The following VPS41 variants were observed in gnomAD, a reference collection of about 807,000 sequenced individuals.
VPS41 encodes the protein VPS41 subunit of HOPS complex, also known as vacuolar protein sorting-associated protein 41 homolog.
In VPS41, 85 loss-of-function variants were observed where a neutral mutation model predicts 130.9. That is an observed-to-expected ratio of 0.65 (90% CI 0.55 to 0.78). The LOEUF (loss-of-function observed/expected upper bound fraction) is 0.78, where lower values mean the gene tolerates loss of function less well. Ranked by LOEUF, VPS41 falls within the 30% of genes least tolerant of loss-of-function variation. The pLI, the probability that VPS41 is intolerant of heterozygous loss-of-function variation, is 0.00. For synonymous variants in VPS41, 335 were observed against 332.9 expected, an observed-to-expected ratio of 1.01 and a Z score of -0.07; for missense variants, 874 against 1,018.7, an observed-to-expected ratio of 0.86 and a Z score of 1.93.
chr7:38,747,190 C>T (rs1206489819), intron 22 of VPS41, among the ~76,000 whole-genome samples: 2 of 152,108 alleles, frequency 1.3e-5, no homozygotes, highest in African/African-American at 2.4e-5. Flanking sequence ...TCTTCACTCT[C>T]CTGCAGTGAT....
At chr7:38,733,469 G>C (rs115904855) in intron 25 of VPS41, among the ~76,000 whole-genome samples, 2 of 152,068 alleles carry the variant, frequency 1.3e-5, no homozygotes, top group African/African-American at 4.8e-5. Context: ...GTTTCCTGAA[G>C]GTTTATAGAC....
chr7:38,850,289 G>A (rs1304040740), intron 4 of VPS41, among the ~76,000 whole-genome samples: 1 of 152,180 alleles, frequency 6.6e-6, no homozygotes, highest in Non-Finnish European at 1.5e-5. Context: ...TGTTACTAAA[G>A]AAATCAAGGG....
In VPS41 at chr7:38,862,571, C is replaced by A; in HGVS notation, c.220G>T (p.Gly74Trp). The change falls in exon 4 of 29, where the codon GGG becomes TGG. Residue 74 changes from glycine to tryptophan, a missense_variant. Physicochemically the swap from Gly to Trp is radical, Grantham distance 184 (BLOSUM62 -2). Transcript: ENST00000310301. The stretch of plus-strand genomic sequence containing the variant: ...ACATCAAACTTCTGAGTGATGTTCC[C>A]CTGGACATCAAGTAAATAAACCTTG... ...YGKVYLLDVQ[G>W]NITQKFDVSP... 1 of 1,607,690 alleles carries A rather than the reference C, an allele frequency of 6.2e-7. No homozygotes were observed. Among genetic ancestry groups the A allele is most frequent in the Non-Finnish European group, 8.5e-7 (1 of 1,176,338 alleles).
chr7:38,888,219 A>AATCTT (rs996536916), intron 2 of VPS41, among the ~76,000 whole-genome samples: 1 of 152,234 alleles, frequency 6.6e-6, no homozygotes, highest in Non-Finnish European at 1.5e-5. Flanking sequence ...GCCCCAATTA[A>AATCTT]AAGACACAGA....
intron 9 of VPS41, among the ~76,000 whole-genome samples, chr7:38,793,093 C>G (rs913670843): frequency 1.3e-5 from 2 of 152,210 alleles, no homozygotes; most frequent in Non-Finnish European, 2.9e-5. Context: ...ATCCCTTTTC[C>G]TATTATCCTG....
At chr7:38,729,799 C>T (rs539394260) in intron 25 of VPS41, among the ~76,000 whole-genome samples, 1 of 152,294 alleles carries the variant, frequency 6.6e-6, no homozygotes, top group East Asian at 1.9e-4. Context: ...GACACTTTAC[C>T]TTTCATGTCC....
At chr7:38,894,844 C>T (rs1265231416) in intron 2 of VPS41, among the ~76,000 whole-genome samples, 2 of 152,086 alleles carry the variant, frequency 1.3e-5, no homozygotes, top group African/African-American at 2.4e-5. Flanking sequence ...AGTTGGAACC[C>T]CTTTCTCCTC....
At chr7:38,837,344 G>A (rs563343592) in intron 4 of VPS41, among the ~76,000 whole-genome samples, 53 of 152,292 alleles carry the variant, frequency 3.5e-4, no homozygotes, top group African/African-American at 2.4e-5. Context: ...ACCCTCAGTC[G>A]ATCATGCCTG....
intron 4 of VPS41, among the ~76,000 whole-genome samples, chr7:38,839,089 TC>T (rs1285095780): frequency 6.6e-6 from 1 of 152,222 alleles, no homozygotes; most frequent in African/African-American, 2.4e-5. Context: ...ATTTTTGTTC[TC>T]TCAGAGACCC....
chr7:38,788,323 G>A (rs1243720953), intron 10 of VPS41, among the ~76,000 whole-genome samples: 3 of 152,186 alleles, frequency 2.0e-5, no homozygotes, highest in Non-Finnish European at 2.9e-5. Flanking sequence ...CGCTATAGTA[G>A]TAAGATCCTG....
chr7:38,743,677 A>G, intron 23 of VPS41, 135 bp from the exon 24 acceptor site: 1 of 965,458 alleles, frequency 1.0e-6, no homozygotes, highest in South Asian at 1.7e-5. Context: ...TGACACCAAC[A>G]TTTACTGTCT....
chr7:38,822,501 G>A (rs1486533182), intron 5 of VPS41, among the ~76,000 whole-genome samples: 1 of 152,178 alleles, frequency 6.6e-6, no homozygotes, highest in Non-Finnish European at 1.5e-5. Flanking sequence ...GTTGGATATA[G>A]TAGAGGTTGC....
chr7:38,877,218 T>A (rs1169160985), intron 2 of VPS41, among the ~76,000 whole-genome samples: 1 of 152,108 alleles, frequency 6.6e-6, no homozygotes, highest in Non-Finnish European at 1.5e-5. Flanking sequence ...GTAAGCAGCT[T>A]TTCTAAGACA....
intron 7 of VPS41, among the ~76,000 whole-genome samples, chr7:38,798,710 C>T (rs973082887): frequency 9.9e-5 from 15 of 152,046 alleles, no homozygotes; most frequent in African/African-American, 3.4e-4. Context: ...TCAATAATCA[C>T]CTGCTGGAAT....
At chr7:38,818,864 TC>T (rs1403505213) in intron 6 of VPS41, among the ~76,000 whole-genome samples, 2 of 152,172 alleles carry the variant, frequency 1.3e-5, no homozygotes, top group Non-Finnish European at 2.9e-5. Context: ...TTGACACATT[TC>T]CCTCCTACAA....
Position 38,817,992 on chromosome 7 carries a change from T to G in VPS41, c.385-110A>C, listed in dbSNP as rs1785092803. 3 of 797,998 alleles carry G rather than the reference T, an allele frequency of 3.8e-6. No individual in the cohort carries two copies. In the East Asian group the frequency reaches 7.5e-5, roughly 20 times the overall value. The allele number at this position is 797,998 out of a possible 1,614,324, so 49.4% of individuals were successfully genotyped here. ...TGATCTAAAAATTATCCTGAAACCTTGGTAGGAAGTAATATATTCAAATCA... is the reference window on the plus strand; with the variant it reads ...TGATCTAAAAATTATCCTGAAACCTGGGTAGGAAGTAATATATTCAAATCA... On this transcript the variant is annotated intron_variant, in intron 6 of 28. Transcript: ENST00000310301.
At chr7:38,866,341 T>G (rs893969966) in intron 3 of VPS41, among the ~76,000 whole-genome samples, 6 of 152,336 alleles carry the variant, frequency 3.9e-5, no homozygotes, top group South Asian at 2.1e-4. Flanking sequence ...CAGATGGGTT[T>G]AAAGTAGAAA....
intron 22 of VPS41, among the ~76,000 whole-genome samples, chr7:38,750,151 G>A (rs575502452): frequency 6.6e-6 from 1 of 152,188 alleles, no homozygotes; most frequent in Admixed American, 6.5e-5. Flanking sequence ...AGAGGTGTGG[G>A]CTACCACACC....
At chr7:38,836,337 A>G (rs1223895475) in intron 4 of VPS41, among the ~76,000 whole-genome samples, 1 of 152,098 alleles carries the variant, frequency 6.6e-6, no homozygotes, top group African/African-American at 2.4e-5. Flanking sequence ...TTAATTATTT[A>G]CTACAGTCTT....
Sources: allele counts gnomAD v4.1 joint callset (sites outside exome capture counted in the v4.1 genomes callset), GRCh38; gene constraint gnomAD v4.1.1; transcripts MANE v1.5; gene names NCBI Gene and HGNC (gene_info 2026-07-23, HGNC 2026-07-21).